DYNC1I1: variants seen among roughly 807,000 people sequenced by gnomAD.
DYNC1I1 encodes dynein cytoplasmic 1 intermediate chain 1, also known as cytoplasmic dynein 1 intermediate chain 1.
A neutral mutation model predicts 86.6 loss-of-function variants in DYNC1I1; 43 were observed. The ratio of observed to expected loss-of-function variants is 0.50; its 90% CI spans 0.39 to 0.64. DYNC1I1 has a LOEUF of 0.64. DYNC1I1 is among the 30% of genes least tolerant of loss of function. DYNC1I1 has a pLI of 0.00. For synonymous variants in DYNC1I1, 262 were observed against 283.7 expected, an observed-to-expected ratio of 0.92 and a Z score of 0.77; for missense variants, 604 against 788.8, an observed-to-expected ratio of 0.77 and a Z score of 2.81.
chr7:96,089,950 C>T (rs1011287826), intron 16 of DYNC1I1, among the ~76,000 whole-genome samples: 1 of 152,096 alleles, frequency 6.6e-6, no homozygotes, highest in Admixed American at 6.6e-5. Context: ...GACAGTTGAG[C>T]TTGTGTAGCA....
intron 6 of DYNC1I1, among the ~76,000 whole-genome samples, chr7:95,932,879 A>ATTTT (rs11392614): frequency 7.3e-6 from 1 of 137,720 alleles, no homozygotes; most frequent in Non-Finnish European, 1.5e-5. Context: ...TTATTTTTTA[A>ATTTT]TTTTTTTTTT....
At chr7:96,000,184 G>A (rs146418825) in intron 10 of DYNC1I1, among the ~76,000 whole-genome samples, 237 of 152,256 alleles carry the variant, frequency 1.6e-3, no homozygotes, top group African/African-American at 5.3e-3. Context: ...GACAATTACT[G>A]CTTCATATTT....
At chr7:95,933,029 T>A (rs1379476661) in intron 6 of DYNC1I1, among the ~76,000 whole-genome samples, 1 of 151,834 alleles carries the variant, frequency 6.6e-6, no homozygotes. Flanking sequence ...TGCAGGCTTG[T>A]GTCATCACAC....
intron 6 of DYNC1I1, among the ~76,000 whole-genome samples, chr7:95,887,929 T>A (rs186736416): frequency 1.3e-5 from 2 of 152,318 alleles, no homozygotes; most frequent in African/African-American, 4.8e-5. Context: ...GCTACTATCC[T>A]ACAAGATGAA....
At chr7:95,921,411 C>T (rs947013935) in intron 6 of DYNC1I1, among the ~76,000 whole-genome samples, 1 of 152,182 alleles carries the variant, frequency 6.6e-6, no homozygotes, top group African/African-American at 2.4e-5. Context: ...GTGTGAGGCC[C>T]AAGCCCCAAT....
chr7:96,091,530 G>A (rs904338866), intron 16 of DYNC1I1, among the ~76,000 whole-genome samples: 1 of 152,078 alleles, frequency 6.6e-6, no homozygotes, highest in Non-Finnish European at 1.5e-5. Flanking sequence ...AAATCAGAGC[G>A]CTTTTCTAAC....
At chr7:96,039,243 A>G (rs1034503646) in intron 13 of DYNC1I1, 34 bp from the exon 14 acceptor site, 11 of 1,583,232 alleles carry the variant, frequency 6.9e-6, no homozygotes, top group Non-Finnish European at 8.6e-6. Context: ...TTCAGAGGTC[A>G]CTGGAATTCT....
chr7:96,017,246 CTG>C (rs771143763), intron 10 of DYNC1I1, among the ~76,000 whole-genome samples: 3 of 152,142 alleles, frequency 2.0e-5, no homozygotes, highest in Non-Finnish European at 4.4e-5. Context: ...TTAAAGAAAA[CTG>C]TTGCTTTTTA....
At chr7:95,941,611 G>T (rs536920777) in intron 6 of DYNC1I1, among the ~76,000 whole-genome samples, 1 of 152,236 alleles carries the variant, frequency 6.6e-6, no homozygotes, top group South Asian at 2.1e-4. Context: ...CGAGCCAGGT[G>T]CAGGATATAA....
chr7:95,783,270 A>G (rs1388371182), intron 1 of DYNC1I1, among the ~76,000 whole-genome samples: 2 of 152,226 alleles, frequency 1.3e-5, no homozygotes, highest in Non-Finnish European at 2.9e-5. Context: ...CTGAGCTTAC[A>G]AATATAAATT....
At chr7:95,909,236 A>AGGGGGGGGGGGGGGGGGGGGGG (rs1476037005) in intron 6 of DYNC1I1, among the ~76,000 whole-genome samples, 1 of 3,754 alleles carries the variant, frequency 2.7e-4, no homozygotes, top group African/African-American at 1.3e-3. Context: ...GGAGGGTGGG[A>AGGGGGGGGGGGGGGGGGGGGGG]GGGGGGTGGG....
At chr7:95,880,604 A>T (rs1432564098) in intron 6 of DYNC1I1, among the ~76,000 whole-genome samples, 4 of 145,670 alleles carry the variant, frequency 2.7e-5, no homozygotes, top group Admixed American at 1.4e-4. Context: ...CAATTAGTAG[A>T]TCCATTTGGC....
At chr7:95,961,756 T>A (rs1185440976) in intron 6 of DYNC1I1, among the ~76,000 whole-genome samples, 1 of 152,256 alleles carries the variant, frequency 6.6e-6, no homozygotes, top group Non-Finnish European at 1.5e-5. Flanking sequence ...TGGCCAGGGC[T>A]AAAGCTGTAG....
chr7:96,031,535 T>C (rs1327705599), intron 11 of DYNC1I1, among the ~76,000 whole-genome samples: 1 of 152,156 alleles, frequency 6.6e-6, no homozygotes, highest in Admixed American at 6.5e-5. Context: ...AGGAAGGTGT[T>C]TAAGCAGAGT....
intron 6 of DYNC1I1, among the ~76,000 whole-genome samples, chr7:95,902,883 T>C (rs1791076402): frequency 6.6e-6 from 1 of 152,208 alleles, no homozygotes; most frequent in South Asian, 2.1e-4. Flanking sequence ...TTTAGTTTAA[T>C]TCATGTGTGA....
intron 6 of DYNC1I1, among the ~76,000 whole-genome samples, chr7:95,933,999 A>G (rs187026135): frequency 3.9e-5 from 6 of 152,234 alleles, no homozygotes; most frequent in African/African-American, 1.2e-4. Flanking sequence ...CATTCTATAC[A>G]GTAGTATAGA....
intron 7 of DYNC1I1, among the ~76,000 whole-genome samples, chr7:95,978,942 T>C (rs1793382209): frequency 1.3e-5 from 2 of 152,224 alleles, no homozygotes; most frequent in South Asian, 2.1e-4. Context: ...ATTACAGGTG[T>C]GTGCCACCAT....
intron 6 of DYNC1I1, among the ~76,000 whole-genome samples, chr7:95,930,743 G>A (rs1791870319): frequency 6.6e-6 from 1 of 152,156 alleles, no homozygotes; most frequent in Non-Finnish European, 1.5e-5. Context: ...TGTTTTGGTA[G>A]GATGTCCGTA....
intron 12 of DYNC1I1, among the ~76,000 whole-genome samples, chr7:96,033,254 C>G (rs1794854472): frequency 6.6e-6 from 1 of 152,188 alleles, no homozygotes; most frequent in South Asian, 2.1e-4. Flanking sequence ...GTTTTCCCCT[C>G]TGGAATGTTT....
Sources: allele counts gnomAD v4.1 joint callset (sites outside exome capture counted in the v4.1 genomes callset), GRCh38; gene constraint gnomAD v4.1.1; transcripts MANE v1.5; gene names NCBI Gene and HGNC (gene_info 2026-07-23, HGNC 2026-07-21).